CADM2: variants seen among roughly 807,000 people sequenced by gnomAD.
CADM2 encodes immunoglobulin superfamily member 4D.
CADM2 carries 12 observed loss-of-function variants against 49.8 expected under a neutral mutation model. The observed-to-expected ratio is 0.24, with a 90% CI of 0.15 to 0.39. The LOEUF is 0.39. Ranked by LOEUF, CADM2 falls within the 10% of genes least tolerant of loss-of-function variation. CADM2 has a pLI of 1.00. For synonymous variants in CADM2, 214 were observed against 175.4 expected, an observed-to-expected ratio of 1.22 and a Z score of -1.74; for missense variants, 378 against 492.3, an observed-to-expected ratio of 0.77 and a Z score of 2.20.
At chr3:85,532,895 A>C (rs550751248) in intron 1 of CADM2, among the ~76,000 whole-genome samples, 4 of 152,286 alleles carry the variant, frequency 2.6e-5, no homozygotes, top group African/African-American at 7.2e-5. Context: ...TTAGCAAACT[A>C]ATGCAGGAAC....
chr3:85,728,562 G>A (rs1386827458), intron 2 of CADM2, among the ~76,000 whole-genome samples: 1 of 151,966 alleles, frequency 6.6e-6, no homozygotes, highest in African/African-American at 2.4e-5. Flanking sequence ...TGGATAAGAG[G>A]AAAATAAAAC....
chr3:85,070,988 CAATAAATAAATA>C (rs375122307), intron 1 of CADM2, among the ~76,000 whole-genome samples: 7 of 143,354 alleles, frequency 4.9e-5, no homozygotes, highest in African/African-American at 1.5e-4. Context: ...AACTCTGTCT[CAATAAATAAATA>C]AATAAATAAA....
intron 4 of CADM2, among the ~76,000 whole-genome samples, chr3:85,883,696 G>C (rs537120745): frequency 6.6e-6 from 1 of 152,226 alleles, no homozygotes; most frequent in South Asian, 2.1e-4. Context: ...TTCTTAGCCA[G>C]CAATAGACAC....
At chr3:85,778,414 G>T (rs2070464888) in intron 2 of CADM2, among the ~76,000 whole-genome samples, 3 of 152,118 alleles carry the variant, frequency 2.0e-5, no homozygotes, top group African/African-American at 7.2e-5. Flanking sequence ...ATCCCCGCAT[G>T]TCAGGGGAAG....
chr3:85,204,203 C>A (rs1164185015), intron 1 of CADM2, among the ~76,000 whole-genome samples: 1 of 152,068 alleles, frequency 6.6e-6, no homozygotes, highest in Non-Finnish European at 1.5e-5. Flanking sequence ...TTTTGACATT[C>A]ACTGTAAATA....
chr3:85,349,869 GACCATGCCACA>G, intron 1 of CADM2, among the ~76,000 whole-genome samples: 1 of 152,204 alleles, frequency 6.6e-6, no homozygotes, highest in East Asian at 1.9e-4. Flanking sequence ...ATGGGTTAAA[GACCATGCCACA>G]ACCGTTCAGG....
At chr3:85,032,540 A>G (rs774979053) in intron 1 of CADM2, among the ~76,000 whole-genome samples, 1 of 152,230 alleles carries the variant, frequency 6.6e-6, no homozygotes, top group African/African-American at 2.4e-5. Flanking sequence ...GAATTTAAAT[A>G]TATACATTTA....
At chr3:85,134,158 C>T (rs1354280184) in intron 1 of CADM2, among the ~76,000 whole-genome samples, 1 of 152,196 alleles carries the variant, frequency 6.6e-6, no homozygotes, top group Admixed American at 6.5e-5. Flanking sequence ...GCTCTGAGTG[C>T]GGGGTCCGCC....
At chr3:85,031,837 A>G (rs1378014193) in intron 1 of CADM2, among the ~76,000 whole-genome samples, 1 of 152,044 alleles carries the variant, frequency 6.6e-6, no homozygotes, top group Non-Finnish European at 1.5e-5. Flanking sequence ...TTCTTTTCTA[A>G]TATTGTTTTA....
At chr3:86,039,765 G>C (rs550907597) in intron 8 of CADM2, among the ~76,000 whole-genome samples, 1 of 152,292 alleles carries the variant, frequency 6.6e-6, no homozygotes, top group Admixed American at 6.5e-5. Context: ...CTGGAGATCT[G>C]ACAACAGACA....
At chr3:85,632,748 T>C (rs1253392697) in intron 1 of CADM2, among the ~76,000 whole-genome samples, 2 of 152,024 alleles carry the variant, frequency 1.3e-5, no homozygotes, top group African/African-American at 2.4e-5. Flanking sequence ...AAGCCCAACT[T>C]CACTATTAAT....
intron 1 of CADM2, among the ~76,000 whole-genome samples, chr3:85,335,471 A>G (rs1396032533): frequency 6.6e-6 from 1 of 151,530 alleles, no homozygotes; most frequent in East Asian, 1.9e-4. Flanking sequence ...TTTATGGTGT[A>G]CAGTGTTATG....
intron 1 of CADM2, among the ~76,000 whole-genome samples, chr3:85,027,109 C>CTTTTCTTTTTTTT (rs1317386284): frequency 1.8e-5 from 1 of 55,690 alleles, no homozygotes; most frequent in African/African-American, 9.7e-5. Context: ...TTTCTTTTTC[C>CTTTTCTTTTTTTT]TTTTTTTTTT....
chr3:86,041,030 C>T (rs915001865), intron 8 of CADM2, among the ~76,000 whole-genome samples: 3 of 152,090 alleles, frequency 2.0e-5, no homozygotes, highest in Non-Finnish European at 2.9e-5. Context: ...CAAGCAAATG[C>T]TGAGAGATTT....
At chr3:84,990,391 A>C (rs1301776100) in intron 1 of CADM2, among the ~76,000 whole-genome samples, 1 of 151,786 alleles carries the variant, frequency 6.6e-6, no homozygotes, top group African/African-American at 2.4e-5. Flanking sequence ...AGGCTACAAT[A>C]ACTGGGATAT....
intron 7 of CADM2, among the ~76,000 whole-genome samples, chr3:85,945,105 G>T (rs530317552): frequency 3.3e-5 from 5 of 152,108 alleles, no homozygotes; most frequent in Non-Finnish European, 7.4e-5. Flanking sequence ...TATCACCACC[G>T]ATCCCACAGA....
At chr3:85,640,582 G>A (rs2064679930) in intron 1 of CADM2, among the ~76,000 whole-genome samples, 2 of 152,114 alleles carry the variant, frequency 1.3e-5, no homozygotes, top group South Asian at 4.1e-4. Flanking sequence ...ACAGCAAGAC[G>A]TTTGGTATGT....
intron 1 of CADM2, among the ~76,000 whole-genome samples, chr3:85,400,548 G>C (rs919683751): frequency 6.6e-6 from 1 of 152,050 alleles, no homozygotes; most frequent in Non-Finnish European, 1.5e-5. Flanking sequence ...TTTTACCTCT[G>C]GTAGAATTCG....
chr3:85,546,223 A>G (rs2061667854), intron 1 of CADM2, among the ~76,000 whole-genome samples: 1 of 152,224 alleles, frequency 6.6e-6, no homozygotes. Context: ...AATCTTGGAT[A>G]GTCCTGTTGT....
Sources: allele counts gnomAD v4.1 joint callset (sites outside exome capture counted in the v4.1 genomes callset), GRCh38; gene constraint gnomAD v4.1.1; transcripts MANE v1.5; gene names NCBI Gene and HGNC (gene_info 2026-07-23, HGNC 2026-07-21).